The following MAPRE2 variants were observed in gnomAD, a reference collection of about 807,000 sequenced individuals.
MAPRE2 encodes the protein microtubule associated protein RP/EB family member 2, also known as microtubule-associated protein RP/EB family member 2.
A neutral mutation model predicts 43.2 loss-of-function variants in MAPRE2; 13 were observed. The observed-to-expected ratio is 0.30, with a 90% CI of 0.20 to 0.48. The LOEUF (loss-of-function observed/expected upper bound fraction) is 0.48. Among genes scored for constraint, MAPRE2 ranks in the 20% least tolerant of loss-of-function variants. The probability of loss-of-function intolerance (pLI) is 0.99; values close to 1 mark genes in which losing one functional copy is unlikely to be tolerated. For missense variants in MAPRE2, 161 were observed against 400.2 expected (o/e 0.40, Z 5.10); for synonymous variants, 135 against 148.8 (o/e 0.91, Z 0.68).
chr18:34,983,590 T>C (rs2097017501), intron 1 of MAPRE2, among the ~76,000 whole-genome samples: 1 of 152,178 alleles, frequency 6.6e-6, no homozygotes, highest in South Asian at 2.1e-4. Flanking sequence ...AACTTGCTGT[T>C]TTTGGAAATA....
chr18:35,014,284 G>A (rs910501403), intron 2 of MAPRE2, among the ~76,000 whole-genome samples: 3 of 151,844 alleles, frequency 2.0e-5, no homozygotes, highest in South Asian at 2.1e-4. Flanking sequence ...GAATAATGAC[G>A]GAACCCAAAC....
chr18:35,082,410 T>G (rs1215995176), intron 2 of MAPRE2, among the ~76,000 whole-genome samples: 1 of 152,194 alleles, frequency 6.6e-6, no homozygotes, highest in African/African-American at 2.4e-5. Context: ...TAGTTAAGCT[T>G]CTTCTTTTCC....
At chr18:35,035,649 A>G (rs1402016660) in intron 2 of MAPRE2, among the ~76,000 whole-genome samples, 2 of 151,126 alleles carry the variant, frequency 1.3e-5, no homozygotes, top group East Asian at 2.0e-4. Context: ...TCTAGTAAAC[A>G]TATCTCTTTC....
At chr18:35,020,374 G>T (rs971355712) in intron 2 of MAPRE2, among the ~76,000 whole-genome samples, 1 of 152,072 alleles carries the variant, frequency 6.6e-6, no homozygotes, top group African/African-American at 2.4e-5. Flanking sequence ...ATATTTGGTT[G>T]GTAGTTTCTC....
intron 1 of MAPRE2, among the ~76,000 whole-genome samples, chr18:35,054,336 A>G (rs184903882): frequency 7.2e-5 from 11 of 152,330 alleles, no homozygotes; most frequent in Admixed American, 7.2e-4. Context: ...TTAACTACAT[A>G]TGTTTCAAAA....
chr18:35,084,621 G>A lies in MAPRE2; in HGVS notation c.251-12825G>A, dbSNP rs530614598. On this transcript the variant is annotated intron_variant, in intron 2 of 6. Transcript: ENST00000300249. ...TTTATTCTGTGTGTTCAAGGGAAAA[G>A]ATGGGGTGCTTTTCAGCACTCTCTT... Among the ~76,000 whole-genome samples the A allele has an allele frequency of 1.8e-4, 27 of 152,366 alleles. No homozygotes were observed. In the South Asian group the frequency reaches 5.4e-3, roughly 30 times the overall value.
chr18:35,067,326 T>A (rs541208696), intron 1 of MAPRE2, among the ~76,000 whole-genome samples: 1 of 152,360 alleles, frequency 6.6e-6, no homozygotes, highest in South Asian at 2.1e-4. Context: ...AGGACAATTG[T>A]TGTCCTTAAG....
chr18:35,057,652 A>G (rs1378409308), intron 1 of MAPRE2, among the ~76,000 whole-genome samples: 1 of 152,146 alleles, frequency 6.6e-6, no homozygotes, highest in African/African-American at 2.4e-5. Flanking sequence ...TCTGTTCCAT[A>G]TACAATATAT....
intron 2 of MAPRE2, 71 bp from the exon 3 acceptor site, chr18:35,097,375 C>T: frequency 7.0e-7 from 1 of 1,425,098 alleles, no homozygotes; most frequent in Non-Finnish European, 9.7e-7. Flanking sequence ...AATCCCCTTC[C>T]AGCCTAGCAG....
At position 35,019,641 on chromosome 18, in the gene MAPRE2, T is replaced by A. The variant is rs144483995; in HGVS notation, c.-8+14088T>A. Among the ~76,000 whole-genome samples, 16 of 152,218 alleles carry A rather than the reference T, an allele frequency of 1.1e-4. No individual in the cohort carries two copies. In the East Asian group the frequency reaches 3.1e-3, roughly 29 times the overall value. Reference sequence around the variant, plus strand: ...CATATTCATGATTGTAGACATGTTTTAATGTGTGTCAAATAGTCTGTAGAG... The same window carrying A: ...CATATTCATGATTGTAGACATGTTTAAATGTGTGTCAAATAGTCTGTAGAG... On this transcript the variant is annotated intron_variant, in intron 2 of 7. Coordinates refer to the MAPRE2 transcript ENST00000413393.
At chr18:35,127,582 G>A (rs1909963033) in intron 5 of MAPRE2, 2 of 152,440 alleles carry the variant, frequency 1.3e-5, no homozygotes, top group Admixed American at 1.3e-4. Flanking sequence ...TACGCTTAAT[G>A]CTGGTAATAT....
At chr18:35,003,356 G>A (rs1236057536) in intron 1 of MAPRE2, among the ~76,000 whole-genome samples, 1 of 152,182 alleles carries the variant, frequency 6.6e-6, no homozygotes, top group African/African-American at 2.4e-5. Flanking sequence ...ATACTGGTCT[G>A]CCAGACTCAA....
chr18:35,011,654 C>T (rs1480072461), intron 2 of MAPRE2, among the ~76,000 whole-genome samples: 10 of 151,930 alleles, frequency 6.6e-5, no homozygotes, highest in Non-Finnish European at 4.4e-5. Context: ...AGAGACCAGG[C>T]GGAAGATGAT....
chr18:35,012,378 G>A (rs1351348217), intron 2 of MAPRE2, among the ~76,000 whole-genome samples: 2 of 151,998 alleles, frequency 1.3e-5, no homozygotes, highest in African/African-American at 4.8e-5. Flanking sequence ...AATGAGAAAG[G>A]GAGTCCAGAG....
At chr18:34,979,809 T>C (rs1406631068) in intron 1 of MAPRE2, among the ~76,000 whole-genome samples, 2 of 152,196 alleles carry the variant, frequency 1.3e-5, no homozygotes, top group Non-Finnish European at 2.9e-5. Flanking sequence ...CCTTTAAAAC[T>C]GTCATCCCAA....
At chr18:35,114,379 A>G (rs1003435179) in intron 4 of MAPRE2, among the ~76,000 whole-genome samples, 3 of 152,208 alleles carry the variant, frequency 2.0e-5, no homozygotes, top group Non-Finnish European at 4.4e-5. Flanking sequence ...CAAAAGTTCA[A>G]AAACATTTCC....
chr18:34,994,074 A>AT (rs1264029124), intron 1 of MAPRE2, among the ~76,000 whole-genome samples: 1 of 146,060 alleles, frequency 6.8e-6, no homozygotes, highest in Non-Finnish European at 1.5e-5. Flanking sequence ...TGCTTTTGAC[A>AT]TTGCTTTGCA....
chr18:35,116,553 A>C (rs1458688960), intron 4 of MAPRE2, among the ~76,000 whole-genome samples: 1 of 152,144 alleles, frequency 6.6e-6, no homozygotes, highest in Non-Finnish European at 1.5e-5. Flanking sequence ...AGCCCCCTCA[A>C]GTTGTTGACT....
At chr18:35,101,217 G>T (rs544509653) in intron 3 of MAPRE2, among the ~76,000 whole-genome samples, 1 of 152,242 alleles carries the variant, frequency 6.6e-6, no homozygotes, top group Admixed American at 6.5e-5. Context: ...AATATTCCAA[G>T]AAAATCAATA....
Sources: gnomAD v4.1 joint callset for allele counts (sites outside exome capture counted in the v4.1 genomes callset) on GRCh38, gnomAD v4.1.1 for gene constraint, MANE v1.5 for transcripts, NCBI Gene and HGNC (gene_info 2026-07-23, HGNC 2026-07-21) for gene names.